Variants in QDPR observed in about 807,000 individuals in gnomAD.
QDPR encodes dihydropteridine reductase.
QDPR carries 23 observed loss-of-function variants against 31.7 expected under a neutral mutation model. The ratio of observed to expected loss-of-function variants is 0.73; its 90% CI spans 0.52 to 1.03. QDPR has a LOEUF of 1.03. QDPR is among the 50% of genes least tolerant of loss of function. The probability of loss-of-function intolerance (pLI) is 0.00; values close to 1 mark genes in which losing one functional copy is unlikely to be tolerated. For synonymous variants in QDPR, 124 were observed against 124.7 expected, an observed-to-expected ratio of 0.99 and a Z score of 0.03; for missense variants, 324 against 323.8, an observed-to-expected ratio of 1.00 and a Z score of 0.00.
At chr4:17,505,093 A>G (rs993458524) in intron 2 of QDPR, among the ~76,000 whole-genome samples, 1 of 152,184 alleles carries the variant, frequency 6.6e-6, no homozygotes, top group Non-Finnish European at 1.5e-5. Context: ...CATTGAAAAT[A>G]TATGTATGCC....
At chr4:17,488,063 G>A (rs1419480139) in intron 6 of QDPR, among the ~76,000 whole-genome samples, 3 of 152,078 alleles carry the variant, frequency 2.0e-5, no homozygotes, top group African/African-American at 7.2e-5. Flanking sequence ...AGGAGTTTTT[G>A]AGACCAGCCT....
At chr4:17,500,673 T>G (rs1718529920) in intron 4 of QDPR, among the ~76,000 whole-genome samples, 1 of 152,126 alleles carries the variant, frequency 6.6e-6, no homozygotes, top group South Asian at 2.1e-4. Flanking sequence ...GCCTCCAGAG[T>G]TATGAGAAAA....
At chr4:17,494,998 G>A (rs1357472752) in intron 4 of QDPR, among the ~76,000 whole-genome samples, 1 of 152,104 alleles carries the variant, frequency 6.6e-6, no homozygotes, top group African/African-American at 2.4e-5. Flanking sequence ...CCTGGTGTAG[G>A]AGGGGCTTTG....
At position 17,509,305 on chromosome 4, in the gene QDPR, T is replaced by G. The variant is rs766168955; in HGVS notation, c.164A>C (p.Lys55Thr). 1 of 1,614,126 alleles carries G rather than the reference T, an allele frequency of 6.2e-7. No homozygotes were observed. The highest frequency in any genetic ancestry group is 1.1e-5 in the South Asian group (1 of 91,084). The change falls in exon 2 of 7, where the codon AAA becomes ACA. Residue 55 changes from lysine (K) to threonine (T), a missense_variant. Transcript: ENST00000281243. ...CTGCTCAGTGAACGAGTCTGTCATTTTAACAATGATGCTAGCGCTGGCCTC... is the reference window on the plus strand; with the variant it reads ...CTGCTCAGTGAACGAGTCTGTCATTGTAACAATGATGCTAGCGCTGGCCTC... ...NEEASASIIV[K>T]MTDSFTEQAD... is the part of the protein sequence containing the mutation.
At chr4:17,502,572 A>G (rs1244164326) in intron 3 of QDPR, among the ~76,000 whole-genome samples, 3 of 152,198 alleles carry the variant, frequency 2.0e-5, no homozygotes, top group Non-Finnish European at 2.9e-5. Flanking sequence ...ATCCACATTT[A>G]TCATTTCTTG....
At chr4:17,505,398 C>T (rs1339156562) in intron 2 of QDPR, among the ~76,000 whole-genome samples, 3 of 152,128 alleles carry the variant, frequency 2.0e-5, no homozygotes, top group Non-Finnish European at 2.9e-5. Flanking sequence ...AGGCGCCTGC[C>T]ACCACACCTA....
intron 4 of QDPR, among the ~76,000 whole-genome samples, chr4:17,499,658 G>A (rs1718489739): frequency 6.6e-6 from 1 of 152,342 alleles, no homozygotes; most frequent in Non-Finnish European, 1.5e-5. Context: ...AGTGGCTCAT[G>A]CCAGTAGTCT....
intron 4 of QDPR, among the ~76,000 whole-genome samples, chr4:17,498,077 C>A (rs1281503066): frequency 1.3e-5 from 2 of 152,172 alleles, no homozygotes; most frequent in Non-Finnish European, 2.9e-5. Context: ...ATAATGATAG[C>A]AAGAAGGAAT....
Position 17,512,074 on chromosome 4 carries a change from C to G in QDPR, c.-20G>C. 1 of 1,557,028 alleles carries G rather than the reference C, an allele frequency of 6.4e-7. No homozygotes were observed. Among genetic ancestry groups the G allele is most frequent in the Non-Finnish European group, 8.7e-7 (1 of 1,154,496 alleles). Reference sequence around the variant, plus strand: ...CGCCATCCTGCTCCTGCCAGCCCGGCTCCCGCAGCTCCGAATGCCTCGAGC... The same window carrying G: ...CGCCATCCTGCTCCTGCCAGCCCGGGTCCCGCAGCTCCGAATGCCTCGAGC... On this transcript the variant is annotated 5_prime_UTR_variant, in exon 1 of 7. Transcript: ENST00000281243.
At chr4:17,497,747 C>CA (rs1163095572) in intron 4 of QDPR, among the ~76,000 whole-genome samples, 1 of 152,082 alleles carries the variant, frequency 6.6e-6, no homozygotes, top group Non-Finnish European at 1.5e-5. Context: ...CCCAACAAGC[C>CA]AAGCACCCAG....
At chr4:17,503,687 C>T (rs1305371801) in intron 3 of QDPR, among the ~76,000 whole-genome samples, 3 of 152,294 alleles carry the variant, frequency 2.0e-5, no homozygotes, top group East Asian at 1.9e-4. Context: ...CACTGGCTCA[C>T]GCCCGTAACC....
At chr4:17,489,494 T>C (rs546173694) in intron 6 of QDPR, among the ~76,000 whole-genome samples, 1 of 152,344 alleles carries the variant, frequency 6.6e-6, no homozygotes, top group South Asian at 2.1e-4. Flanking sequence ...TGAAGCATGA[T>C]TCCTGGCATA....
intron 2 of QDPR, among the ~76,000 whole-genome samples, 180 bp from the exon 3 acceptor site, chr4:17,504,655 C>G (rs1180707950): frequency 6.6e-6 from 1 of 151,998 alleles, no homozygotes; most frequent in Non-Finnish European, 1.5e-5. Context: ...ACATTGAAGC[C>G]CAAGTACACT....
At position 17,497,538 on chromosome 4, in the gene QDPR, A is replaced by C. The variant is rs146400239; in HGVS notation, c.436+4181T>G. Reference sequence around the variant, plus strand: ...ATTATCTCTATATAATTATATTATCAGTAATTGCTATAATTACTGATTATA... The same window carrying C: ...ATTATCTCTATATAATTATATTATCCGTAATTGCTATAATTACTGATTATA... On this transcript the variant is annotated intron_variant, in intron 4 of 6. Transcript: ENST00000281243. Among the ~76,000 whole-genome samples the C allele has an allele frequency of 1.7e-3, 261 of 150,790 alleles. 1 individual carries two copies. The highest frequency in any genetic ancestry group is 7.0e-3 in the Middle Eastern group (2 of 284).
chr4:17,510,007 G>A (rs1403413355), intron 1 of QDPR: 2 of 434,024 alleles, frequency 4.6e-6, no homozygotes, highest in Non-Finnish European at 9.2e-6. Context: ...GCAATAAATA[G>A]GGGGAAAAAA....
intron 6 of QDPR, chr4:17,489,942 T>C (rs368484603): frequency 7.8e-4 from 124 of 159,700 alleles, no homozygotes; most frequent in Non-Finnish European, 1.4e-3. Flanking sequence ...TGGGCAGGGA[T>C]CCCATCTTTG....
rs764412405 is a variant in QDPR, at chr4:17,511,924, C to CCAGCAGCCCCAGCCCG, written c.105+10_105+25dup. 22 of 1,604,210 alleles carry CCAGCAGCCCCAGCCCG rather than the reference C, an allele frequency of 1.4e-5. No homozygotes were observed. The South Asian group carries it at 2.3e-4, about 17-fold the overall frequency. ...AGCCCCCGGCCACCCCCGCGGAGACCCAGCAGCCCCAGCCCGCAGCATTAC... is the reference window on the plus strand; with the variant it reads ...AGCCCCCGGCCACCCCCGCGGAGACCCAGCAGCCCCAGCCCGCAGCAGCCCCAGCCCGCAGCATTAC... On this transcript the variant is annotated intron_variant, in intron 1 of 6. Transcript: ENST00000281243.
intron 1 of QDPR, chr4:17,509,829 A>G (rs1718941271): frequency 1.0e-5 from 4 of 392,906 alleles, no homozygotes; most frequent in Non-Finnish European, 5.1e-6. Context: ...TCCTACCTCC[A>G]AACACTCTAC....
intron 3 of QDPR, 133 bp downstream of exon 3, chr4:17,504,246 C>G: frequency 2.6e-6 from 2 of 765,190 alleles, no homozygotes; most frequent in Admixed American, 2.0e-5. Context: ...TAATCACTCT[C>G]TCCCCGAGCA....
Sources: gnomAD v4.1 joint callset for allele counts (sites outside exome capture counted in the v4.1 genomes callset) on GRCh38, gnomAD v4.1.1 for gene constraint, MANE v1.5 for transcripts, NCBI Gene and HGNC (gene_info 2026-07-23, HGNC 2026-07-21) for gene names.